Variants in PLCB4 observed in about 807,000 individuals in gnomAD.
PLCB4 encodes 1-phosphatidylinositol 4,5-bisphosphate phosphodiesterase beta-4.
In PLCB4, 77 loss-of-function variants were observed where a neutral mutation model predicts 178.8. That is an observed-to-expected ratio of 0.43 (90% CI 0.36 to 0.52). The LOEUF is 0.52. Among genes scored for constraint, PLCB4 ranks in the 20% least tolerant of loss-of-function variants. The pLI is 0.00. For missense variants in PLCB4, 1,024 were observed against 1,453.4 expected (o/e 0.70, Z 4.80); for synonymous variants, 496 against 490.8 (o/e 1.01, Z -0.14).
At chr20:9,442,077 C>T (rs1046390214) in intron 30 of PLCB4, among the ~76,000 whole-genome samples, 2 of 152,170 alleles carry the variant, frequency 1.3e-5, no homozygotes, top group African/African-American at 4.8e-5. Flanking sequence ...AATGTGCTGC[C>T]TAACCTACTT....
intron 2 of PLCB4, among the ~76,000 whole-genome samples, chr20:9,213,675 A>G (rs1001150285): frequency 6.6e-6 from 1 of 152,166 alleles, no homozygotes; most frequent in Non-Finnish European, 1.5e-5. Flanking sequence ...TTGGGTTCAT[A>G]TCTAGGAGTG....
intron 2 of PLCB4, among the ~76,000 whole-genome samples, chr20:9,188,260 G>A (rs1322197279): frequency 2.6e-5 from 4 of 152,204 alleles, no homozygotes; most frequent in Non-Finnish European, 5.9e-5. Context: ...GATTGGCAGG[G>A]GCCTGAAGGT....
intron 2 of PLCB4, among the ~76,000 whole-genome samples, chr20:9,113,983 G>T (rs11697740): frequency 0.14 from 21,745 of 152,128 alleles, 1,637 homozygotes; most frequent in Middle Eastern, 0.19. Context: ...GGAGGCTGAG[G>T]GGGGCGGATC....
intron 2 of PLCB4, among the ~76,000 whole-genome samples, chr20:9,128,400 C>A (rs2092184922): frequency 6.6e-6 from 1 of 152,144 alleles, no homozygotes; most frequent in African/African-American, 2.4e-5. Context: ...AATGGACTAA[C>A]ACACCATCTT....
chr20:9,462,206 G>A (rs1363829435), intron 35 of PLCB4, among the ~76,000 whole-genome samples: 1 of 152,242 alleles, frequency 6.6e-6, no homozygotes, highest in East Asian at 1.9e-4. Context: ...CAAACAGAAA[G>A]GAATAGCATC....
At chr20:9,266,009 T>G (rs1395765678) in intron 3 of PLCB4, among the ~76,000 whole-genome samples, 1 of 152,204 alleles carries the variant, frequency 6.6e-6, no homozygotes, top group Non-Finnish European at 1.5e-5. Context: ...AAAAAGAAAG[T>G]TGATAAGTAT....
chr20:9,434,565 G>A (rs2041642335), intron 28 of PLCB4, among the ~76,000 whole-genome samples: 1 of 151,984 alleles, frequency 6.6e-6, no homozygotes, highest in East Asian at 1.9e-4. Flanking sequence ...TAGTAAAGAC[G>A]GGGTTTCACC....
At position 9,273,165 on chromosome 20, in the gene PLCB4, C is replaced by T. The variant is rs903224441; in HGVS notation, c.-15-34635C>T. Reference sequence around the variant, plus strand: ...TAATCATAGACCTGCTTTTGCAAAGCGTACAATCAAGGGTAAAAGACTTAC... The same window carrying T: ...TAATCATAGACCTGCTTTTGCAAAGTGTACAATCAAGGGTAAAAGACTTAC... On this transcript the variant is annotated intron_variant, in intron 3 of 39. Coordinates refer to ENST00000378473, the MANE Select transcript of PLCB4 (RefSeq NM_001377142.1). Among the ~76,000 whole-genome samples, 46 of 152,108 alleles carry T rather than the reference C, an allele frequency of 3.0e-4. 1 individual carries two copies. Among genetic ancestry groups the T allele is most frequent in the African/African-American group, 7.9e-4 (33 of 41,510 alleles).
At chr20:9,331,218 G>A (rs1238891586) in intron 4 of PLCB4, among the ~76,000 whole-genome samples, 1 of 152,192 alleles carries the variant, frequency 6.6e-6, no homozygotes, top group Non-Finnish European at 1.5e-5. Flanking sequence ...GTGATGGAAT[G>A]TGAATGCCTA....
chr20:9,237,749 A>G (rs1298334006), intron 3 of PLCB4, among the ~76,000 whole-genome samples: 1 of 152,224 alleles, frequency 6.6e-6, no homozygotes, highest in Non-Finnish European at 1.5e-5. Flanking sequence ...GCTGAACTAA[A>G]CACAGTTAGA....
At chr20:9,302,815 C>G (rs1416610329) in intron 3 of PLCB4, among the ~76,000 whole-genome samples, 1 of 151,728 alleles carries the variant, frequency 6.6e-6, no homozygotes, top group Non-Finnish European at 1.5e-5. Context: ...CTAGGAGAAC[C>G]AGAGTTAAAC....
At chr20:9,362,085 T>C (rs1175112965) in intron 7 of PLCB4, among the ~76,000 whole-genome samples, 1 of 152,204 alleles carries the variant, frequency 6.6e-6, no homozygotes, top group African/African-American at 2.4e-5. Flanking sequence ...TCAGCTTATG[T>C]GTGGGCCACC....
chr20:9,347,640 A>G (rs879284789), intron 7 of PLCB4, among the ~76,000 whole-genome samples: 1 of 152,218 alleles, frequency 6.6e-6, no homozygotes, highest in Non-Finnish European at 1.5e-5. Flanking sequence ...TAAAGAAAGG[A>G]ATTGCACCAT....
At chr20:9,126,593 A>G (rs951148850) in intron 2 of PLCB4, among the ~76,000 whole-genome samples, 8 of 152,162 alleles carry the variant, frequency 5.3e-5, no homozygotes, top group African/African-American at 1.7e-4. Context: ...TCTTATTGTG[A>G]GTGAGAGGGC....
rs1244150029 is a variant in PLCB4 at position 9,419,789 on chromosome 20, A to G, written c.2052-18A>G. The G allele has an allele frequency of 3.3e-6, 5 of 1,503,552 alleles. No individual in the cohort carries two copies. Among genetic ancestry groups the G allele is most frequent in the Admixed American group, 1.7e-5 (1 of 59,874 alleles). 93.1% of individuals were successfully genotyped at this position (1,503,552 alleles called of 1,614,324 possible). ...TTGTAAAACCTACTAATAAACTTCT[A>G]TGCTATTGTCCTACCAGGTACCTTC... On this transcript the variant is annotated intron_variant, in intron 25 of 39. Transcript: ENST00000378473.
intron 2 of PLCB4, among the ~76,000 whole-genome samples, chr20:9,149,261 G>A (rs2092650880): frequency 1.3e-5 from 2 of 152,086 alleles, no homozygotes; most frequent in South Asian, 4.1e-4. Flanking sequence ...CCTGGTCTCT[G>A]TCAGTTGGCT....
chr20:9,107,545 G>T (rs2146669194), intron 2 of PLCB4, among the ~76,000 whole-genome samples: 1 of 152,236 alleles, frequency 6.6e-6, no homozygotes, highest in South Asian at 2.1e-4. Context: ...GGGGTGGGAG[G>T]TAGCAAATGC....
At chr20:9,108,445 G>GA (rs1480388625) in intron 2 of PLCB4, among the ~76,000 whole-genome samples, 1 of 152,090 alleles carries the variant, frequency 6.6e-6, no homozygotes, top group Non-Finnish European at 1.5e-5. Flanking sequence ...GTGTTTCAAG[G>GA]AGGGAGGATT....
chr20:9,069,640 G>C (rs1484024514), intron 1 of PLCB4, among the ~76,000 whole-genome samples: 1 of 152,156 alleles, frequency 6.6e-6, no homozygotes, highest in Admixed American at 6.5e-5. Context: ...ACTCATTGGG[G>C]GCAGGGTTCG....
Sources: gnomAD v4.1 joint callset for allele counts (sites outside exome capture counted in the v4.1 genomes callset) on GRCh38, gnomAD v4.1.1 for gene constraint, MANE v1.5 for transcripts, NCBI Gene and HGNC (gene_info 2026-07-23, HGNC 2026-07-21) for gene names.